The following FOXP2 variants were observed in gnomAD, a reference collection of about 807,000 sequenced individuals.
The protein encoded by FOXP2 is forkhead box protein P2.
A neutral mutation model predicts 115.8 loss-of-function variants in FOXP2; 12 were observed. That is an observed-to-expected ratio of 0.10 (90% CI 0.07 to 0.17). FOXP2 has a LOEUF of 0.17. FOXP2 is among the 10% of genes least tolerant of loss of function. The pLI, the probability that FOXP2 is intolerant of heterozygous loss-of-function variation, is 1.00. For missense variants in FOXP2, 629 were observed against 843.5 expected (o/e 0.75, Z 3.15); for synonymous variants, 328 against 297.7 (o/e 1.10, Z -1.05).
intron 2 of FOXP2, among the ~76,000 whole-genome samples, chr7:114,400,735 T>G (rs1021315849): frequency 6.6e-6 from 1 of 152,130 alleles, no homozygotes; most frequent in East Asian, 1.9e-4. Flanking sequence ...TTCACGTTCC[T>G]ATGAGGACTT....
intron 1 of FOXP2, among the ~76,000 whole-genome samples, chr7:114,258,634 C>T (rs1173848146): frequency 6.6e-6 from 1 of 152,168 alleles, no homozygotes. Flanking sequence ...ATTCATTTTA[C>T]TGGCACAACA....
chr7:114,679,611 A>G (rs1585022266), intron 16 of FOXP2, among the ~76,000 whole-genome samples: 1 of 152,178 alleles, frequency 6.6e-6, no homozygotes, highest in Middle Eastern at 3.4e-3. Context: ...ACACACACAA[A>G]CACACACATT....
At chr7:114,439,654 C>T (rs978049815) in intron 2 of FOXP2, among the ~76,000 whole-genome samples, 7 of 152,038 alleles carry the variant, frequency 4.6e-5, no homozygotes, top group Non-Finnish European at 7.4e-5. Context: ...AAGCCATCAT[C>T]GCAGATTAGC....
intron 2 of FOXP2, among the ~76,000 whole-genome samples, chr7:114,524,992 T>C (rs1798793908): frequency 1.3e-5 from 2 of 152,154 alleles, no homozygotes; most frequent in Admixed American, 1.3e-4. Context: ...ATACAACTTT[T>C]CAAAATATCA....
intron 1 of FOXP2, among the ~76,000 whole-genome samples, chr7:114,138,693 G>A (rs1792116360): frequency 6.6e-6 from 1 of 151,964 alleles, no homozygotes; most frequent in Middle Eastern, 3.2e-3. Flanking sequence ...GCCCGGCCAA[G>A]CCTATTTTAA....
intron 1 of FOXP2, among the ~76,000 whole-genome samples, chr7:114,165,493 G>A (rs758994002): frequency 6.6e-6 from 1 of 152,010 alleles, no homozygotes; most frequent in South Asian, 2.1e-4. Flanking sequence ...AACAATTGGG[G>A]TTTTAAATTA....
intron 2 of FOXP2, among the ~76,000 whole-genome samples, chr7:114,476,708 G>A (rs1031403645): frequency 3.9e-5 from 6 of 151,946 alleles, no homozygotes; most frequent in Admixed American, 6.6e-5. Flanking sequence ...ATTGGTTTGG[G>A]CAGTTTAGCT....
chr7:114,451,607 C>T (rs1438768773), intron 2 of FOXP2, among the ~76,000 whole-genome samples: 1 of 152,008 alleles, frequency 6.6e-6, no homozygotes, highest in Non-Finnish European at 1.5e-5. Context: ...GTATATTGGA[C>T]TATATGAAAA....
At chr7:114,390,522 G>GTATTTATTTATTTATTTATTTATT (rs6150298) in intron 2 of FOXP2, among the ~76,000 whole-genome samples, 191 of 148,362 alleles carry the variant, frequency 1.3e-3, no homozygotes, top group African/African-American at 3.9e-3. Flanking sequence ...TTTTATTTAT[G>GTATTTATTTATTTATTTATTTATT]TATTTATTTA....
intron 3 of FOXP2, among the ~76,000 whole-genome samples, chr7:114,585,081 A>G (rs1247288596): frequency 6.6e-6 from 1 of 152,200 alleles, no homozygotes; most frequent in Non-Finnish European, 1.5e-5. Context: ...AGCAATATTC[A>G]ATTTTATTTT....
intron 2 of FOXP2, among the ~76,000 whole-genome samples, chr7:114,516,843 A>G (rs933918334): frequency 2.6e-5 from 4 of 151,810 alleles, no homozygotes; most frequent in Non-Finnish European, 4.4e-5. Context: ...CTACAGGCAC[A>G]TGCCACCATG....
intron 1 of FOXP2, among the ~76,000 whole-genome samples, chr7:114,194,061 C>T (rs1793836403): frequency 6.6e-6 from 1 of 151,978 alleles, no homozygotes; most frequent in African/African-American, 2.4e-5. Flanking sequence ...ATCTCCTGTG[C>T]ATAAAGACTG....
intron 2 of FOXP2, among the ~76,000 whole-genome samples, chr7:114,487,166 A>G (rs1796827234): frequency 6.6e-6 from 1 of 152,178 alleles, no homozygotes; most frequent in African/African-American, 2.4e-5. Context: ...ATCCTCTGAA[A>G]TCTAGGCAGA....
intron 1 of FOXP2, among the ~76,000 whole-genome samples, chr7:114,202,999 C>G (rs1197934693): frequency 1.3e-5 from 2 of 152,206 alleles, no homozygotes; most frequent in African/African-American, 4.8e-5. Context: ...AACCAAATAT[C>G]ATTGCTTAAT....
chr7:114,507,469 A>G (rs1176595860), intron 2 of FOXP2, among the ~76,000 whole-genome samples: 5 of 151,948 alleles, frequency 3.3e-5, no homozygotes, highest in African/African-American at 4.8e-5. Context: ...TTGATCTTGG[A>G]TCTGTAAATA....
intron 1 of FOXP2, among the ~76,000 whole-genome samples, chr7:114,274,409 T>C (rs1014195374): frequency 5.9e-5 from 9 of 152,106 alleles, no homozygotes; most frequent in Non-Finnish European, 1.5e-5. Context: ...TCCTCTTCCT[T>C]TCTTTATGTA....
At chr7:114,176,298 TTCTCTC>T (rs1554426487) in intron 1 of FOXP2, among the ~76,000 whole-genome samples, 1 of 76,516 alleles carries the variant, frequency 1.3e-5, no homozygotes, top group Non-Finnish European at 2.5e-5. Context: ...CTTTCTTTCT[TTCTCTC>T]TCTCTCTCTC....
rs761651720 is a variant in FOXP2 at position 114,114,226 on chromosome 7, A to AAT, written c.-247+26402_-247+26403dup. 9.7e-3 allele frequency among the ~76,000 whole-genome samples: 1,445 copies of AAT among 149,472 alleles called. 11 individuals carry two copies. The highest frequency in any genetic ancestry group is 0.028 in the Middle Eastern group (8 of 284). ...TAGAATGTCCATTTTGAAAAAGAAG[A>AAT]ATATATATATATATACGCATATATA... On this transcript the variant is annotated intron_variant, in intron 1 of 19. Transcript: ENST00000635638.
At chr7:114,647,038 C>T (rs187610622) in intron 8 of FOXP2, among the ~76,000 whole-genome samples, 12 of 151,748 alleles carry the variant, frequency 7.9e-5, no homozygotes, top group Admixed American at 2.6e-4. Context: ...ATTGTATATC[C>T]AGTGTTTATT....
Sources: allele counts gnomAD v4.1 joint callset (sites outside exome capture counted in the v4.1 genomes callset), GRCh38; gene constraint gnomAD v4.1.1; transcripts MANE v1.5; gene names NCBI Gene and HGNC (gene_info 2026-07-23, HGNC 2026-07-21).